The following PDS5B variants were observed in gnomAD, a reference collection of about 807,000 sequenced individuals.
PDS5B encodes sister chromatid cohesion protein PDS5 homolog B.
A neutral mutation model predicts 184.1 loss-of-function variants in PDS5B; 51 were observed. The ratio of observed to expected loss-of-function variants is 0.28; its 90% CI spans 0.22 to 0.35. The LOEUF is 0.35. Ranked by LOEUF, PDS5B falls within the 10% of genes least tolerant of loss-of-function variation. The pLI, the probability that PDS5B is intolerant of heterozygous loss-of-function variation, is 1.00. For synonymous variants in PDS5B, 566 were observed against 569.2 expected (o/e 0.99, Z 0.08); for missense variants, 1,180 against 1,723.3 (o/e 0.68, Z 5.58).
intron 31 of PDS5B, among the ~76,000 whole-genome samples, chr13:32,768,559 G>A (rs192073258): frequency 5.3e-5 from 8 of 152,028 alleles, no homozygotes; most frequent in Admixed American, 4.6e-4. Context: ...TTGGGAGGCC[G>A]AGGCAGGCGG....
At chr13:32,731,085 A>G (rs962326296) in intron 19 of PDS5B, among the ~76,000 whole-genome samples, 1 of 151,854 alleles carries the variant, frequency 6.6e-6, no homozygotes, top group Non-Finnish European at 1.5e-5. Context: ...AGAATGTTTT[A>G]CCTTTTTCTG....
chr13:32,645,976 G>A (rs1000857425), intron 1 of PDS5B, among the ~76,000 whole-genome samples: 1 of 149,062 alleles, frequency 6.7e-6, no homozygotes. Context: ...ACTTTGATGT[G>A]TGTGTGTGGG....
intron 30 of PDS5B, 73 bp downstream of exon 30, chr13:32,760,793 TC>T: frequency 7.3e-7 from 1 of 1,368,332 alleles, no homozygotes; most frequent in Non-Finnish European, 1.0e-6. Flanking sequence ...AATAATATAA[TC>T]CAAAATGTTT....
chr13:32,745,901 A>T, intron 23 of PDS5B, 76 bp from the exon 24 acceptor site: 1 of 1,224,848 alleles, frequency 8.2e-7, no homozygotes, highest in Non-Finnish European at 1.2e-6. Context: ...CAGAATTTTT[A>T]ATAAAATTAG....
chr13:32,706,062 C>G (rs887623272), intron 17 of PDS5B, among the ~76,000 whole-genome samples: 1 of 151,864 alleles, frequency 6.6e-6, no homozygotes, highest in Non-Finnish European at 1.5e-5. Flanking sequence ...CAGATCACTT[C>G]AGGTCAGGAG....
intron 1 of PDS5B, among the ~76,000 whole-genome samples, chr13:32,623,428 A>C (rs1261324388): frequency 6.6e-6 from 1 of 152,164 alleles, no homozygotes; most frequent in Admixed American, 6.5e-5. Flanking sequence ...TCGTTATACA[A>C]AGTCGGTTTT....
In PDS5B at chr13:32,675,884, T is replaced by G; in HGVS notation, c.887T>G (p.Leu296Arg). ...GAGCGCCTACAAGTTGTTAAACTAC[T>G]GGCAAAAATGTTTGGGGCAAAGGAT... is the stretch of plus-strand genomic sequence containing the variant. Reference protein sequence around the residue: ...NEERLQVVKLLAKMFGAKDSE... With the variant: ...NEERLQVVKLRAKMFGAKDSE... Residue 296 changes from leucine to arginine, a missense_variant, in exon 9 of 35, where the codon CTG becomes CGG. This residue lies in a region of PDS5B where 475 missense variants were observed against 691.5 expected (regional missense o/e 0.69). Coordinates refer to ENST00000315596, the MANE Select transcript of PDS5B (RefSeq NM_015032.4). 6.2e-7 allele frequency: 1 copy of G among 1,613,740 alleles called. No homozygotes were observed. Among genetic ancestry groups the G allele is most frequent in the Non-Finnish European group, 8.5e-7 (1 of 1,179,702 alleles).
intron 19 of PDS5B, among the ~76,000 whole-genome samples, chr13:32,730,337 T>G (rs1020285421): frequency 6.6e-6 from 1 of 152,216 alleles, no homozygotes; most frequent in East Asian, 1.9e-4. Flanking sequence ...CATGCTTTTT[T>G]GGTTACTGTA....
intron 17 of PDS5B, among the ~76,000 whole-genome samples, chr13:32,705,102 A>G (rs1333649242): frequency 6.6e-6 from 1 of 152,110 alleles, no homozygotes; most frequent in Non-Finnish European, 1.5e-5. Flanking sequence ...TACCCTGGCT[A>G]TGGAACTTTT....
At chr13:32,710,276 T>A (rs1195858710) in intron 19 of PDS5B, among the ~76,000 whole-genome samples, 170 bp downstream of exon 19, 2 of 152,198 alleles carry the variant, frequency 1.3e-5, no homozygotes, top group African/African-American at 4.8e-5. Context: ...CTTTGATTGG[T>A]ATTTTAGAAG....
At chr13:32,713,478 A>G (rs1406596823) in intron 19 of PDS5B, among the ~76,000 whole-genome samples, 1 of 152,234 alleles carries the variant, frequency 6.6e-6, no homozygotes, top group Non-Finnish European at 1.5e-5. Context: ...ACATGAGAGA[A>G]AAAAGATAAC....
chr13:32,714,810 T>G (rs1952322531), intron 19 of PDS5B, among the ~76,000 whole-genome samples: 1 of 152,218 alleles, frequency 6.6e-6, no homozygotes, highest in African/African-American at 2.4e-5. Flanking sequence ...GCTATATAAT[T>G]TGTGTAGTTA....
In PDS5B at chr13:32,775,203, A is replaced by G. The variant is rs3492; in HGVS notation, c.*151A>G. On this transcript the variant is annotated 3_prime_UTR_variant, in exon 35 of 35. Coordinates refer to ENST00000315596, the MANE Select transcript of PDS5B (RefSeq NM_015032.4). ...GGACCTTACTTTGGTGACCCCATAC[A>G]TTTGTGGTCACATGCTTTAGCCATA... 258,338 of 648,834 alleles carry G rather than the reference A, an allele frequency of 0.4. 54,444 individuals carry two copies. Among genetic ancestry groups the G allele is most frequent in the Non-Finnish European group, 0.45 (170,609 of 375,458 alleles). The allele number at this position is 648,834 out of a possible 1,614,324, so 40.2% of individuals were successfully genotyped here. A position where few individuals can be genotyped will look rare whatever the true frequency, so the allele number is the denominator to read the frequency against.
chr13:32,667,331 A>C (rs946179519), intron 6 of PDS5B, among the ~76,000 whole-genome samples: 1 of 152,156 alleles, frequency 6.6e-6, no homozygotes, highest in Admixed American at 6.5e-5. Flanking sequence ...ACAGCTGCCC[A>C]AAACTCCTTT....
At chr13:32,728,922 A>G (rs1953004022) in intron 19 of PDS5B, among the ~76,000 whole-genome samples, 3 of 152,110 alleles carry the variant, frequency 2.0e-5, no homozygotes, top group Non-Finnish European at 4.4e-5. Flanking sequence ...GGTAATTTAT[A>G]TGTCTTCTTT....
At position 32,633,659 on chromosome 13, in the gene PDS5B, C is replaced by A. The variant is rs1318991420; in HGVS notation, c.-19-15095C>A. ...CATTATAGGGAAATTTATTGAGAAA[C>A]TTATCAAATTAAACTTTTTGGTGGA... is the stretch of plus-strand genomic sequence containing the variant. On this transcript the variant is annotated intron_variant, in intron 1 of 34. Transcript: ENST00000315596. Among the ~76,000 whole-genome samples, 3 of 152,140 alleles carry A rather than the reference C, an allele frequency of 2.0e-5. No homozygotes were observed. In the East Asian group the frequency reaches 5.8e-4, roughly 29 times the overall value.
chr13:32,648,063 A>G (rs2140651543), intron 1 of PDS5B, among the ~76,000 whole-genome samples: 1 of 152,284 alleles, frequency 6.6e-6, no homozygotes, highest in Non-Finnish European at 1.5e-5. Context: ...CATGGCCAAA[A>G]CTAATTACCT....
At chr13:32,661,403 A>C (rs1593364031) in intron 6 of PDS5B, among the ~76,000 whole-genome samples, 3 of 149,552 alleles carry the variant, frequency 2.0e-5, no homozygotes, top group Admixed American at 1.3e-4. Context: ...AAAAAAAAAA[A>C]AAAAAAACAG....
At chr13:32,645,999 T>TG (rs554090212) in intron 1 of PDS5B, among the ~76,000 whole-genome samples, 2 of 149,456 alleles carry the variant, frequency 1.3e-5, no homozygotes, top group Non-Finnish European at 3.0e-5. Flanking sequence ...TGTGGGTGTG[T>TG]GGTGTGTGGT....
Sources: gnomAD v4.1 joint callset for allele counts (sites outside exome capture counted in the v4.1 genomes callset) on GRCh38, gnomAD v4.1.1 for gene constraint, gnomAD v4.1.1 regional missense constraint, MANE v1.5 for transcripts, NCBI Gene and HGNC (gene_info 2026-07-23, HGNC 2026-07-21) for gene names.